The following PAX9 variants were observed in gnomAD, a reference collection of about 807,000 sequenced individuals.
PAX9 encodes paired box 9.
A neutral mutation model predicts 29.1 loss-of-function variants in PAX9; 6 were observed. The ratio of observed to expected loss-of-function variants is 0.21; its 90% CI spans 0.11 to 0.41. PAX9 has a LOEUF of 0.41. Ranked by LOEUF, PAX9 falls within the 10% of genes least tolerant of loss-of-function variation. PAX9 has a pLI of 1.00. For synonymous variants in PAX9, 217 were observed against 211.7 expected (o/e 1.03, Z -0.22); for missense variants, 443 against 479.1 (o/e 0.92, Z 0.70).
chr14:36,678,678 G>A lies in PAX9; in HGVS notation c.*2226G>A. On this transcript the variant is annotated 3_prime_UTR_variant, in exon 4 of 4. Coordinates refer to ENST00000361487, the MANE Select transcript of PAX9 (RefSeq NM_001372076.1). ...TTTAAAAAATATTACTTGCTTGTGT[G>A]GAAATGCAAATAATGTTATTTTCTT... 1 of 1,253,042 alleles carries A rather than the reference G, an allele frequency of 8.0e-7. No homozygotes were observed. The highest frequency in any genetic ancestry group is 3.6e-5 in the South Asian group (1 of 28,086). 77.6% of individuals were successfully genotyped at this position (1,253,042 alleles called of 1,614,324 possible).
chr14:36,675,563 G>T (rs559303911), intron 3 of PAX9, among the ~76,000 whole-genome samples: 247 of 152,306 alleles, frequency 1.6e-3, no homozygotes, highest in Non-Finnish European at 2.9e-3. Context: ...TGATAAAACA[G>T]TCCTGGAAAA....
intron 3 of PAX9, chr14:36,672,217 T>C (rs1003806910): frequency 2.0e-5 from 3 of 152,260 alleles, no homozygotes; most frequent in Non-Finnish European, 4.4e-5. Context: ...GGTTGATTTA[T>C]AAATCATATT....
Position 36,676,352 on chromosome 14 carries a change from C to T in PAX9, c.926C>T (p.Ser309Leu), listed in dbSNP as rs766641150. 1.2e-6 allele frequency: 2 copies of T among 1,614,154 alleles called. No homozygotes were observed. Among genetic ancestry groups the T allele is most frequent in the Non-Finnish European group, 1.7e-6 (2 of 1,180,026 alleles). The change falls in exon 4 of 4, where the codon TCA becomes TTA. Residue 309 changes from serine to leucine, a missense_variant. Transcript: ENST00000361487. ...GGGTGGCAACATGCTGGGGGCACCT[C>T]ATTGTCTCCCCACAACTGTGACATT... Reference protein sequence around the residue: ...GHGWQHAGGTSLSPHNCDIPA... With the variant: ...GHGWQHAGGTLLSPHNCDIPA...
intron 3 of PAX9, 152 bp downstream of exon 3, chr14:36,666,753 G>A: frequency 2.7e-6 from 3 of 1,098,358 alleles, no homozygotes; most frequent in South Asian, 2.9e-5. Context: ...TCGTGGACTG[G>A]GGCGAAGCAG....
chr14:36,658,375 G>T (rs973424864), upstream of PAX9, among the ~76,000 whole-genome samples: 22 of 133,850 alleles, frequency 1.6e-4, no homozygotes, highest in East Asian at 1.3e-3. Flanking sequence ...GCCTCGCTTG[G>T]GGGGGGGGGG....
At position 36,676,551 on chromosome 14, in the gene PAX9, A is replaced by G; in HGVS notation, c.*99A>G. 3.6e-6 allele frequency: 5 copies of G among 1,384,962 alleles called. No homozygotes were observed. Among genetic ancestry groups the G allele is most frequent in the Admixed American group, 1.9e-5 (1 of 53,222 alleles). The allele number at this position is 1,384,962 out of a possible 1,614,324, so 85.8% of individuals were successfully genotyped here. On this transcript the variant is annotated 3_prime_UTR_variant, in exon 4 of 4. Transcript: ENST00000361487. ...CACATCCCACCCCTCCTGCCCTCCA[A>G]CCCTTCTGCCTTGAAAGCTGGCTGT...
intron 2 of PAX9, chr14:36,666,028 T>G (rs1881474692): frequency 1.0e-5 from 2 of 190,712 alleles, no homozygotes; most frequent in Non-Finnish European, 2.2e-5. Context: ...CTCCTCTCTT[T>G]CTTTTCAGCC....
chr14:36,676,663 T>C lies in PAX9; in HGVS notation c.*211T>C. 1.6e-6 allele frequency: 1 copy of C among 618,430 alleles called. No homozygotes were observed. The highest frequency in any genetic ancestry group is 1.9e-5 in the South Asian group (1 of 52,862). The allele number at this position is 618,430 out of a possible 1,614,324, so 38.3% of individuals were successfully genotyped here. ...CAGAAAAACTGACATGACTTTAGGA[T>C]TTAAAAACAAGAGCAACAATAAGCA... On this transcript the variant is annotated 3_prime_UTR_variant, in exon 4 of 4. Coordinates refer to ENST00000361487, the MANE Select transcript of PAX9 (RefSeq NM_001372076.1).
chr14:36,669,162 C>G (rs886650463), intron 3 of PAX9, among the ~76,000 whole-genome samples: 27 of 152,204 alleles, frequency 1.8e-4, no homozygotes, highest in African/African-American at 5.5e-4. Flanking sequence ...TGAAGATGTG[C>G]CAAGTTCAGC....
chr14:36,666,418 G>A, intron 2 of PAX9, 44 bp from the exon 3 acceptor site: 3 of 1,594,996 alleles, frequency 1.9e-6, no homozygotes, highest in East Asian at 2.3e-5. Context: ...AGTGGGGCGC[G>A]CGGGCTGGGC....
In PAX9 at chr14:36,676,710, C is replaced by T; in HGVS notation, c.*258C>T. Reference sequence around the variant, plus strand: ...AGCATTGAATGAGACATTTGTGTTGCCCACATACTGTCTTAACATAACAAA... The same window carrying T: ...AGCATTGAATGAGACATTTGTGTTGTCCACATACTGTCTTAACATAACAAA... On this transcript the variant is annotated 3_prime_UTR_variant, in exon 4 of 4. Coordinates refer to ENST00000361487, the MANE Select transcript of PAX9 (RefSeq NM_001372076.1). The T allele has an allele frequency of 3.8e-6, 2 of 527,382 alleles. No homozygotes were observed. The highest frequency in any genetic ancestry group is 6.9e-6 in the Non-Finnish European group (2 of 290,740). The allele number at this position is 527,382 out of a possible 1,614,324, so 32.7% of individuals were successfully genotyped here.
intron 2 of PAX9, among the ~76,000 whole-genome samples, chr14:36,664,932 A>G (rs957843321): frequency 6.6e-6 from 1 of 152,064 alleles, no homozygotes; most frequent in African/African-American, 2.4e-5. Context: ...TATAGGATAA[A>G]CTGACCTCAC....
At chr14:36,660,380 G>T (rs1881211910), upstream of PAX9, among the ~76,000 whole-genome samples, 1 of 152,186 alleles carries the variant, frequency 6.6e-6, no homozygotes, top group Non-Finnish European at 1.5e-5. Context: ...CTAGTTGTGG[G>T]ATTTCCCCCA....
At chr14:36,662,804 G>T in intron 1 of PAX9, 93 bp from the exon 2 acceptor site, 1 of 1,488,514 alleles carries the variant, frequency 6.7e-7, no homozygotes, top group Non-Finnish European at 9.2e-7. Context: ...GGGTGCGTTC[G>T]CCCAGTCCCC....
At position 36,661,904 on chromosome 14, in the gene PAX9, C is replaced by A. The variant is rs886050489; in HGVS notation, c.-186C>A. 123 of 716,358 alleles carry A rather than the reference C, an allele frequency of 1.7e-4. 2 individuals carry two copies. The African/African-American group carries it at 1.9e-3, about 11-fold the overall frequency. The allele number at this position is 716,358 out of a possible 1,614,324, so 44.4% of individuals were successfully genotyped here. A position where few individuals can be genotyped will look rare whatever the true frequency, so the allele number is the denominator to read the frequency against. On this transcript the variant is annotated 5_prime_UTR_variant, in exon 1 of 4. Coordinates refer to ENST00000361487, the MANE Select transcript of PAX9 (RefSeq NM_001372076.1). ...CTTAGATTGAAATGCAGAACTCAAG[C>A]CTCTTTCATCGGGGCACAGACTTCC...
At chr14:36,661,175 C>T (rs73258673), upstream of PAX9, among the ~76,000 whole-genome samples, 174 of 152,372 alleles carry the variant, frequency 1.1e-3, no homozygotes, top group African/African-American at 3.8e-3. Context: ...GTTCCCCGCA[C>T]ACGGCGTGGC....
At chr14:36,675,609 A>G (rs1337791887) in intron 3 of PAX9, among the ~76,000 whole-genome samples, 1 of 152,220 alleles carries the variant, frequency 6.6e-6, no homozygotes, top group Non-Finnish European at 1.5e-5. Flanking sequence ...TCCTTACAAG[A>G]CAAAGTGCCT....
At chr14:36,672,481 A>G (rs1351862642) in intron 3 of PAX9, among the ~76,000 whole-genome samples, 2 of 152,194 alleles carry the variant, frequency 1.3e-5, no homozygotes, top group Non-Finnish European at 2.9e-5. Context: ...TTCATAAATA[A>G]CAATTACTTG....
At position 36,662,878 on chromosome 14, in the gene PAX9, C is replaced by T. The variant is rs768757265; in HGVS notation, c.5-19C>T. 1.7e-5 allele frequency: 27 copies of T among 1,606,526 alleles called. No homozygotes were observed. The South Asian group carries it at 2.9e-4, about 17-fold the overall frequency. ...AGCAGCGGGTGCGCGTCCCTGCGCGCTGTGTGTTCATTTTGCAGAGCCAGC... is the reference window on the plus strand; with the variant it reads ...AGCAGCGGGTGCGCGTCCCTGCGCGTTGTGTGTTCATTTTGCAGAGCCAGC... On this transcript the variant is annotated intron_variant, in intron 1 of 3. Coordinates refer to ENST00000361487, the MANE Select transcript of PAX9 (RefSeq NM_001372076.1).
Sources: allele counts gnomAD v4.1 joint callset (sites outside exome capture counted in the v4.1 genomes callset), GRCh38; gene constraint gnomAD v4.1.1; transcripts MANE v1.5; gene names NCBI Gene and HGNC (gene_info 2026-07-23, HGNC 2026-07-21).